The following DENND2B variants were observed in gnomAD, a reference collection of about 807,000 sequenced individuals.
DENND2B encodes the protein DENN domain containing 2B, also known as DENN domain-containing protein 2B.
Under a neutral mutation model 116.0 loss-of-function variants are expected in DENND2B, and 32 were observed. The observed-to-expected ratio is 0.28, with a 90% CI of 0.21 to 0.37. The LOEUF (loss-of-function observed/expected upper bound fraction) is 0.37, where lower values mean the gene tolerates loss of function less well. Ranked by LOEUF, DENND2B falls within the 10% of genes least tolerant of loss-of-function variation. DENND2B has a pLI of 1.00. For synonymous variants in DENND2B, 588 were observed against 583.9 expected, an observed-to-expected ratio of 1.01 and a Z score of -0.10; for missense variants, 1,276 against 1,477.7, an observed-to-expected ratio of 0.86 and a Z score of 2.24.
At chr11:8,849,441 C>G (rs1462731545) in intron 3 of DENND2B, among the ~76,000 whole-genome samples, 3 of 130,078 alleles carry the variant, frequency 2.3e-5, no homozygotes, top group South Asian at 2.5e-4. Context: ...TGCCATGAGC[C>G]GAGATCACAC....
chr11:8,782,921 A>C (rs2058527651), intron 1 of DENND2B, among the ~76,000 whole-genome samples: 1 of 151,896 alleles, frequency 6.6e-6, no homozygotes. Context: ...TTGTTAAATA[A>C]TTTAAGTATA....
intron 1 of DENND2B, among the ~76,000 whole-genome samples, chr11:8,774,632 G>A (rs546938467): frequency 1.3e-5 from 2 of 152,226 alleles, no homozygotes; most frequent in Admixed American, 1.3e-4. Flanking sequence ...CCCACATGAA[G>A]CTGGGCTGAT....
intron 11 of DENND2B, among the ~76,000 whole-genome samples, chr11:8,710,578 A>G (rs993324630): frequency 1.7e-4 from 25 of 150,652 alleles, no homozygotes; most frequent in East Asian, 1.6e-3. Flanking sequence ...ATGAAAACCC[A>G]CTCCCTCCCC....
At chr11:8,792,718 A>G (rs116666116) in intron 1 of DENND2B, among the ~76,000 whole-genome samples, 2,162 of 152,330 alleles carry the variant, frequency 0.014, 64 homozygotes, top group African/African-American at 0.05. Context: ...TAAAGTAACA[A>G]TAAGAAATCC....
chr11:8,695,437 A>G (rs564229620), intron 19 of DENND2B, 26 bp downstream of exon 19: 25 of 1,600,230 alleles, frequency 1.6e-5, no homozygotes, highest in South Asian at 1.3e-4. Context: ...CTGAACATCT[A>G]TCTCATCAGT....
chr11:8,855,536 C>G (rs1240128738), intron 3 of DENND2B, among the ~76,000 whole-genome samples: 1 of 151,796 alleles, frequency 6.6e-6, no homozygotes, highest in Non-Finnish European at 1.5e-5. Context: ...AGTGAGCCAA[C>G]GGAGCAGGCA....
At position 8,774,258 on chromosome 11, in the gene DENND2B, C is replaced by G. The variant is rs376728188; in HGVS notation, c.-25-23533G>C. ...TACCTGTCTTTATGACTAGCAGTCT[C>G]TTCCAGAAACGGCAGGACACTTTAA... On this transcript the variant is annotated intron_variant, in intron 1 of 19. Coordinates refer to ENST00000313726, the MANE Select transcript of DENND2B (RefSeq NM_213618.2). The G allele has an allele frequency of 1.3e-5, 13 of 985,350 alleles. No homozygotes were observed. In the East Asian group the frequency reaches 7.9e-4, roughly 60 times the overall value. 61.0% of individuals were successfully genotyped at this position (985,350 alleles called of 1,614,324 possible).
intron 15 of DENND2B, 91 bp from the exon 16 acceptor site, chr11:8,699,065 C>A: frequency 6.4e-7 from 1 of 1,570,880 alleles, no homozygotes; most frequent in South Asian, 1.2e-5. Context: ...TTCCCAGGGT[C>A]AGCTAACAGG....
intron 16 of DENND2B, chr11:8,697,947 C>G: frequency 2.1e-6 from 1 of 481,750 alleles, no homozygotes; most frequent in Non-Finnish European, 4.0e-6. Context: ...GCCTGGGCAA[C>G]TTAGCAGGTC....
intron 1 of DENND2B, among the ~76,000 whole-genome samples, chr11:8,768,999 G>A (rs1206878533): frequency 2.0e-5 from 3 of 152,110 alleles, no homozygotes; most frequent in Non-Finnish European, 4.4e-5. Context: ...AAGCCACTTG[G>A]CTCTAAGAAG....
intron 1 of DENND2B, among the ~76,000 whole-genome samples, chr11:8,788,240 TG>T (rs1198850019): frequency 3.3e-5 from 5 of 152,128 alleles, no homozygotes; most frequent in Non-Finnish European, 5.9e-5. Context: ...AGAAAAGCAT[TG>T]GGGTTACTAT....
At chr11:8,817,436 C>T (rs2061606796) in intron 4 of DENND2B, among the ~76,000 whole-genome samples, 1 of 152,104 alleles carries the variant, frequency 6.6e-6, no homozygotes, top group Non-Finnish European at 1.5e-5. Context: ...GAGAAATACC[C>T]ATTCTGTGGT....
intron 9 of DENND2B, chr11:8,711,944 T>A (rs765959412): frequency 6.6e-6 from 3 of 455,704 alleles, no homozygotes; most frequent in Non-Finnish European, 1.3e-5. Flanking sequence ...TGCAGGTGTC[T>A]GGACAGACCT....
intron 1 of DENND2B, among the ~76,000 whole-genome samples, chr11:8,884,607 G>A (rs564122791): frequency 6.6e-6 from 1 of 152,270 alleles, no homozygotes; most frequent in African/African-American, 2.4e-5. Context: ...ATGGTTACAG[G>A]ACCAGGCAGC....
intron 4 of DENND2B, among the ~76,000 whole-genome samples, chr11:8,822,924 T>C (rs2061821122): frequency 6.6e-6 from 1 of 152,188 alleles, no homozygotes; most frequent in African/African-American, 2.4e-5. Context: ...ATATAAAAAG[T>C]GGCAAGGACT....
chr11:8,834,621 A>T (rs2062347671), intron 4 of DENND2B, among the ~76,000 whole-genome samples: 1 of 152,220 alleles, frequency 6.6e-6, no homozygotes, highest in African/African-American at 2.4e-5. Context: ...AAACAGACCT[A>T]GCTTTCCTGA....
intron 4 of DENND2B, among the ~76,000 whole-genome samples, chr11:8,837,078 G>C (rs1453793194): frequency 6.6e-6 from 1 of 152,002 alleles, no homozygotes; most frequent in African/African-American, 2.4e-5. Context: ...AAATACTTTG[G>C]AGATTGTCTT....
rs145246813 is a variant in DENND2B, at chr11:8,725,950, G to A, written c.1477+123C>T. On this transcript the variant is annotated intron_variant, in intron 4 of 19. Coordinates refer to ENST00000313726, the MANE Select transcript of DENND2B (RefSeq NM_213618.2). ...TTCCCCTGATGTCCCATTCCAGGAG[G>A]AGTTCCAGAAGGTGGGACCATGCCT... 92 of 1,395,764 alleles carry A rather than the reference G, an allele frequency of 6.6e-5. No individual in the cohort carries two copies. The Middle Eastern group carries it at 1.8e-3, about 27-fold the overall frequency. 86.5% of individuals were successfully genotyped at this position (1,395,764 alleles called of 1,614,324 possible). A position where few individuals can be genotyped will look rare whatever the true frequency, so the allele number is the denominator to read the frequency against.
chr11:8,706,521 A>G (rs1044842271), intron 13 of DENND2B, among the ~76,000 whole-genome samples: 3 of 151,826 alleles, frequency 2.0e-5, no homozygotes, highest in Admixed American at 6.6e-5. Context: ...CTCCTGCTTC[A>G]TTTAGTTGCC....
Sources: allele counts gnomAD v4.1 joint callset (sites outside exome capture counted in the v4.1 genomes callset), GRCh38; gene constraint gnomAD v4.1.1; transcripts MANE v1.5; gene names NCBI Gene and HGNC (gene_info 2026-07-23, HGNC 2026-07-21).